SPATA13: variants seen among roughly 807,000 people sequenced by gnomAD.
SPATA13 encodes the protein spermatogenesis-associated protein 13.
A neutral mutation model predicts 104.0 loss-of-function variants in SPATA13; 50 were observed. The observed-to-expected ratio is 0.48, with a 90% CI of 0.38 to 0.61. The LOEUF (loss-of-function observed/expected upper bound fraction) is 0.61, where lower values mean the gene tolerates loss of function less well. SPATA13 is among the 20% of genes least tolerant of loss of function. The probability of loss-of-function intolerance (pLI) is 0.00; values close to 1 mark genes in which losing one functional copy is unlikely to be tolerated. For synonymous variants in SPATA13, 606 were observed against 667.5 expected (o/e 0.91, Z 1.42); for missense variants, 1,524 against 1,690.6 (o/e 0.90, Z 1.73).
chr13:23,981,122 G>A (rs779158144), intron 1 of SPATA13, among the ~76,000 whole-genome samples: 5 of 152,202 alleles, frequency 3.3e-5, no homozygotes, highest in Non-Finnish European at 5.9e-5. Context: ...AATGCAGACA[G>A]TTCTACTGTT....
intron 7 of SPATA13, 127 bp from the exon 8 acceptor site, chr13:24,288,872 A>T: frequency 1.3e-6 from 1 of 780,312 alleles, no homozygotes; most frequent in Non-Finnish European, 1.9e-6. Context: ...TGACCTCATC[A>T]GAGACTCATA....
intron 4 of SPATA13, chr13:24,271,026 C>CTG (rs1265647643): frequency 5.6e-6 from 4 of 714,262 alleles, no homozygotes; most frequent in African/African-American, 1.8e-5. Flanking sequence ...CTCTCACTCT[C>CTG]TCTCTCTCTC....
At chr13:24,267,772 C>T (rs142935809) in intron 4 of SPATA13, among the ~76,000 whole-genome samples, 13 of 152,328 alleles carry the variant, frequency 8.5e-5, no homozygotes, top group African/African-American at 3.1e-4. Flanking sequence ...TCTGACTAAA[C>T]TCAAGCCCAC....
At chr13:24,284,690 A>T (rs1875795045) in intron 5 of SPATA13, among the ~76,000 whole-genome samples, 1 of 152,142 alleles carries the variant, frequency 6.6e-6, no homozygotes, top group Admixed American at 6.5e-5. Context: ...CAACACTGTG[A>T]TTCTCTGACC....
intron 2 of SPATA13, among the ~76,000 whole-genome samples, chr13:23,990,007 T>G (rs2765154): frequency 0.62 from 93,738 of 151,456 alleles, 29,945 homozygotes; most frequent in Non-Finnish European, 0.71. Flanking sequence ...CTGTTGTTTA[T>G]AAGCCACCCA....
chr13:24,058,213 A>T (rs1463027401), intron 3 of SPATA13, among the ~76,000 whole-genome samples: 3 of 151,824 alleles, frequency 2.0e-5, no homozygotes, highest in Non-Finnish European at 4.4e-5. Flanking sequence ...ACGTCTTTTG[A>T]TCGTAAGTGG....
intron 1 of SPATA13, among the ~76,000 whole-genome samples, chr13:24,220,435 C>G (rs936791358): frequency 1.3e-5 from 2 of 152,148 alleles, no homozygotes; most frequent in Non-Finnish European, 2.9e-5. Flanking sequence ...CTGGACTTGA[C>G]CTTTTGATTA....
chr13:24,122,636 C>A, intron 3 of SPATA13: 1 of 1,263,268 alleles, frequency 7.9e-7, no homozygotes, highest in Non-Finnish European at 1.2e-6. Context: ...CCTTTTTGCA[C>A]ATACTGTATA....
At chr13:24,001,470 G>A (rs1375225289) in intron 2 of SPATA13, among the ~76,000 whole-genome samples, 2 of 152,054 alleles carry the variant, frequency 1.3e-5, no homozygotes, top group African/African-American at 4.8e-5. Context: ...GGAGAGTGGA[G>A]ATTGCGTTAA....
At chr13:23,990,026 T>C (rs1328523790) in intron 2 of SPATA13, among the ~76,000 whole-genome samples, 3 of 152,168 alleles carry the variant, frequency 2.0e-5, no homozygotes, top group African/African-American at 7.2e-5. Context: ...CAGGTTATGG[T>C]ATTTTGTTAC....
chr13:24,064,836 G>T (rs1019642897), intron 3 of SPATA13, among the ~76,000 whole-genome samples: 15 of 152,002 alleles, frequency 9.9e-5, no homozygotes, highest in African/African-American at 3.6e-4. Flanking sequence ...TCACCTGTGG[G>T]GTAGGTATTT....
intron 1 of SPATA13, among the ~76,000 whole-genome samples, chr13:24,173,388 G>GTGTGTT (rs1883072949): frequency 6.6e-6 from 1 of 151,756 alleles, no homozygotes; most frequent in African/African-American, 2.4e-5. Context: ...GTGTGTGTGT[G>GTGTGTT]TGTGTGTGTG....
chr13:24,114,488 G>A (rs1386896750), intron 3 of SPATA13, among the ~76,000 whole-genome samples: 6 of 149,840 alleles, frequency 4.0e-5, no homozygotes, highest in African/African-American at 1.5e-4. Flanking sequence ...CACTTGGCCT[G>A]GTGCTGCCTC....
intron 2 of SPATA13, among the ~76,000 whole-genome samples, chr13:24,226,892 G>T (rs1871974224): frequency 1.3e-5 from 2 of 152,330 alleles, no homozygotes; most frequent in Non-Finnish European, 2.9e-5. Flanking sequence ...TAGTCTCAAG[G>T]TCCCCTGGGC....
chr13:24,151,189 G>T, intron 3 of SPATA13, among the ~76,000 whole-genome samples: 1 of 152,082 alleles, frequency 6.6e-6, no homozygotes, highest in East Asian at 1.9e-4. Flanking sequence ...GCTTCCTCCC[G>T]CAGTGCTGAG....
At chr13:24,063,048 C>T (rs1445891895) in intron 3 of SPATA13, among the ~76,000 whole-genome samples, 1 of 152,068 alleles carries the variant, frequency 6.6e-6, no homozygotes, top group Non-Finnish European at 1.5e-5. Context: ...CTCAGATGTA[C>T]TCCCTGGGAT....
intron 3 of SPATA13, among the ~76,000 whole-genome samples, chr13:24,078,404 C>T (rs777295561): frequency 1.3e-5 from 2 of 152,214 alleles, no homozygotes; most frequent in African/African-American, 2.4e-5. Flanking sequence ...TGAAGACTCA[C>T]AGTAACAGTC....
intron 2 of SPATA13, among the ~76,000 whole-genome samples, chr13:24,002,358 A>G (rs1461477448): frequency 1.3e-5 from 2 of 152,156 alleles, no homozygotes; most frequent in Non-Finnish European, 2.9e-5. Context: ...GTCGTCTTGG[A>G]GTGTTCAGAG....
Position 24,223,939 on chromosome 13 carries a change from C to G in SPATA13, c.1010C>G (p.Pro337Arg), listed in dbSNP as rs1871768864. The change falls in exon 2 of 13, where the codon CCT becomes CGT. Residue 337 changes from proline to arginine, a missense_variant. This residue lies in a region of SPATA13 where 1,089 missense variants were observed against 1,135.9 expected (regional missense o/e 0.96). Coordinates refer to ENST00000382108, the MANE Select transcript of SPATA13 (RefSeq NM_001166271.3). ...GAGGCTGCCTGGAGGAGGGAGAGTC[C>G]TAGGAGTGGGGCCCCATCCCCTGGA... The part of the protein sequence containing the change: ...VTEAAWRRES[P>R]RSGAPSPGEA... The G allele has an allele frequency of 1.3e-6, 2 of 1,550,654 alleles. No individual in the cohort carries two copies. The highest frequency in any genetic ancestry group is 2.0e-5 in the Admixed American group (1 of 50,972).
Sources: allele counts gnomAD v4.1 joint callset (sites outside exome capture counted in the v4.1 genomes callset), GRCh38; gene constraint gnomAD v4.1.1; regional missense constraint gnomAD v4.1.1; transcripts MANE v1.5; gene names NCBI Gene and HGNC (gene_info 2026-07-23, HGNC 2026-07-21).